SPTBN5: variants seen among roughly 807,000 people sequenced by gnomAD.
SPTBN5 encodes spectrin beta chain, non-erythrocytic 5.
In SPTBN5, 513 loss-of-function variants were observed where a neutral mutation model predicts 477.6. That is an observed-to-expected ratio of 1.07 (90% CI 1.00 to 1.16). The LOEUF is 1.16. Ranked by LOEUF, SPTBN5 falls within the 50% of genes most tolerant of loss-of-function variation. The probability of loss-of-function intolerance (pLI) is 0.00; values close to 1 mark genes in which losing one functional copy is unlikely to be tolerated. For missense variants in SPTBN5, 5,062 were observed against 4,731.8 expected, an observed-to-expected ratio of 1.07 and a Z score of -2.05; for synonymous variants, 2,169 against 2,011.7, an observed-to-expected ratio of 1.08 and a Z score of -2.09.
chr15:41,862,333 C>A, intron 43 of SPTBN5, 41 bp from the exon 44 acceptor site: 2 of 1,556,504 alleles, frequency 1.3e-6, no homozygotes, highest in Non-Finnish European at 1.7e-6. Flanking sequence ...GGCCTTCAAA[C>A]CCCTCTCCCC....
intron 12 of SPTBN5, among the ~76,000 whole-genome samples, 197 bp from the exon 13 acceptor site, chr15:41,881,431 G>T (rs1185845431): frequency 1.3e-5 from 2 of 152,234 alleles, no homozygotes; most frequent in African/African-American, 4.8e-5. Flanking sequence ...CACAGGATCT[G>T]ATGGCTTTGA....
intron 7 of SPTBN5, 113 bp from the exon 8 acceptor site, chr15:41,883,599 G>T (rs1201195306): frequency 1.5e-6 from 2 of 1,291,530 alleles, no homozygotes; most frequent in Admixed American, 4.3e-5. Context: ...GACCTCCATG[G>T]CTGGGGCAAG....
rs1316624243 is a variant in SPTBN5, at chr15:41,880,313, C to T, written c.2659-1G>A. Reference sequence around the variant, plus strand: ...CCTCCTCCAACCGGGCCCTGCGGAGCTGGGGAGAGGTGGCCCAAGGCTGGG... The same window carrying T: ...CCTCCTCCAACCGGGCCCTGCGGAGTTGGGGAGAGGTGGCCCAAGGCTGGG... On this transcript the variant is annotated splice_acceptor_variant, in intron 13 of 67. Coordinates refer to ENST00000320955, the MANE Select transcript of SPTBN5 (RefSeq NM_016642.4). LOFTEE classifies it high-confidence loss of function. The T allele has an allele frequency of 1.3e-6, 2 of 1,598,828 alleles. No individual in the cohort carries two copies. Among genetic ancestry groups the T allele is most frequent in the Non-Finnish European group, 1.7e-6 (2 of 1,173,820 alleles).
At position 41,856,850 on chromosome 15, in the gene SPTBN5, C is replaced by T. The variant is rs1018405092; in HGVS notation, c.8808+3G>A. On this transcript the variant is annotated splice_donor_region_variant and intron_variant, in intron 52 of 67. Transcript: ENST00000320955. Reference sequence around the variant, plus strand: ...GGCCAGCCCTCCCCGGGTGGGCCCACACCTGGTGCTGCTCCTGCAGGTGCC... The same window carrying T: ...GGCCAGCCCTCCCCGGGTGGGCCCATACCTGGTGCTGCTCCTGCAGGTGCC... 11 of 1,544,148 alleles carry T rather than the reference C, an allele frequency of 7.1e-6. No individual in the cohort carries two copies. Among genetic ancestry groups the T allele is most frequent in the Middle Eastern group, 3.4e-4 (2 of 5,904 alleles).
At position 41,875,541 on chromosome 15, in the gene SPTBN5, C is replaced by T. The variant is rs1431428611; in HGVS notation, c.4204G>A (p.Glu1402Lys). ...TRLQGLRSKWEALNRKMTERG... is the reference protein window; with the variant it reads ...TRLQGLRSKWKALNRKMTERG... ...TCAGTCATCTTGCGGTTCAAAGCTT[C>T]CCACTTGCTTCTCAGGCCTTGAAGC... The change falls in exon 22 of 68, where the codon GAA becomes AAA. Residue 1402 changes from glutamate to lysine, a missense_variant. Physicochemically the swap from Glu to Lys is moderately conservative, Grantham distance 56 (BLOSUM62 1). Transcript: ENST00000320955. The T allele has an allele frequency of 1.2e-6, 2 of 1,611,528 alleles. No homozygotes were observed. Among genetic ancestry groups the T allele is most frequent in the African/African-American group, 2.7e-5 (2 of 74,898 alleles).
chr15:41,858,624 T>C lies in SPTBN5; in HGVS notation c.8204A>G (p.His2735Arg). Reference sequence around the variant, plus strand: ...CACCCGCTGCAGCTCCTGCTGTTGGTGCATGCTCGCGTCCAGCTCCGCCTG... The same window carrying C: ...CACCCGCTGCAGCTCCTGCTGTTGGCGCATGCTCGCGTCCAGCTCCGCCTG... ...NFQAELDASM[H>R]QQQELQREGQ... The change falls in exon 49 of 68, where the codon CAC becomes CGC. Residue 2735 changes from histidine (H) to arginine (R), a missense_variant. His to Arg is a conservative substitution (Grantham distance 29, BLOSUM62 0). Coordinates refer to ENST00000320955, the MANE Select transcript of SPTBN5 (RefSeq NM_016642.4). The C allele has an allele frequency of 6.2e-7, 1 of 1,611,540 alleles. No individual in the cohort carries two copies.
rs749662581 is a variant in SPTBN5, at chr15:41,868,078, C to A, written c.6198G>T (p.Ala2066=). The change falls in exon 34 of 68, where the codon GCG becomes GCT. Residue 2066 remains alanine (A), a synonymous_variant. Transcript: ENST00000320955. ...GCGGGAGGGGACCTGCCTCCTGGGCCGCGAGGATCTCCTCCAGGCGGCCGC... is the reference window on the plus strand; with the variant it reads ...GCGGGAGGGGACCTGCCTCCTGGGCAGCGAGGATCTCCTCCAGGCGGCCGC... ...RECGRLEEIL[A]AQEVSLKTSA... 1 of 1,601,598 alleles carries A rather than the reference C, an allele frequency of 6.2e-7. No individual in the cohort carries two copies. The highest frequency in any genetic ancestry group is 1.7e-5 in the Admixed American group (1 of 58,858).
At chr15:41,886,773 C>A (rs182130817) in intron 6 of SPTBN5, among the ~76,000 whole-genome samples, 14 of 152,348 alleles carry the variant, frequency 9.2e-5, no homozygotes, top group Middle Eastern at 3.4e-3. Context: ...TTGAGAAGAG[C>A]ACTTCCAGGC....
Position 41,873,547 on chromosome 15 carries a change from C to A in SPTBN5, c.4952G>T (p.Ser1651Ile), listed in dbSNP as rs1477305968. ...WVEEKRPLVSSRDYGRDEAAT... is the reference protein window; with the variant it reads ...WVEEKRPLVSIRDYGRDEAAT... ...TGCCTCGTCTCTGCCATAGTCCCGA[C>A]TGCTCACCAGCGGCCGCTTCTCCTC... Residue 1651 changes from serine (S) to isoleucine (I), a missense_variant, in exon 26 of 68, where the codon AGT (serine) becomes ATT (isoleucine). Transcript: ENST00000320955. 1.3e-6 allele frequency: 2 copies of A among 1,552,122 alleles called. No individual in the cohort carries two copies. The highest frequency in any genetic ancestry group is 2.4e-5 in the South Asian group (2 of 84,084).
intron 3 of SPTBN5, among the ~76,000 whole-genome samples, chr15:41,890,552 T>C (rs2067277823): frequency 6.6e-6 from 1 of 152,220 alleles, no homozygotes. Flanking sequence ...TAACAGTCAA[T>C]GTGTGAGCCC....
chr15:41,880,111 G>C, intron 14 of SPTBN5, 49 bp downstream of exon 14: 1 of 1,535,360 alleles, frequency 6.5e-7, no homozygotes, highest in Non-Finnish European at 8.7e-7. Flanking sequence ...CAGACCACAG[G>C]GAGGCAGGGG....
At chr15:41,853,137 C>T in intron 59 of SPTBN5, 121 bp downstream of exon 59, 1 of 1,466,440 alleles carries the variant, frequency 6.8e-7, no homozygotes, top group Non-Finnish European at 9.1e-7. Context: ...CCCAGCCTCT[C>T]TCCCTGCCTG....
In SPTBN5 at chr15:41,855,353, C is replaced by T. The variant is rs1213289797; in HGVS notation, c.9294G>A (p.Gly3098=). 6.8e-6 allele frequency: 11 copies of T among 1,605,848 alleles called. No homozygotes were observed. The South Asian group carries it at 8.8e-5, about 13-fold the overall frequency. ...GCTGCAGCTGCTCCTGCAGGCCGTG[C>T]CCCCTGGCCTCCGCCCTCCGCAGCA... The part of the protein sequence containing the change: ...AELLRRAEAR[G]HGLQEQLQLH... Residue 3098 remains glycine (G), a synonymous_variant, in exon 55 of 68, where the codon GGG becomes GGA. Transcript: ENST00000320955.
At chr15:41,883,749 T>A (rs2067057724) in intron 7 of SPTBN5, among the ~76,000 whole-genome samples, 1 of 152,114 alleles carries the variant, frequency 6.6e-6, no homozygotes, top group Non-Finnish European at 1.5e-5. Flanking sequence ...AGTCCCCATT[T>A]CAGTTGATGA....
In SPTBN5 at chr15:41,862,654, C is replaced by A. The variant is rs1364200249; in HGVS notation, c.7270G>T (p.Glu2424Ter). The A allele has an allele frequency of 6.4e-7, 1 of 1,552,414 alleles. No homozygotes were observed. Among genetic ancestry groups the A allele is most frequent in the Non-Finnish European group, 8.7e-7 (1 of 1,152,290 alleles). ...HPIQAQVESL[E>*]REVGRLCQRS... The stretch of plus-strand genomic sequence containing the variant: ...TGGCAGAGGCGGCCCACTTCACGCT[C>A]TAGGGACTGCGGGGGAAGCCGGGGT... Residue 2424 changes from glutamate to a stop codon, truncating the protein, a stop_gained, in exon 43 of 68, where the codon GAG becomes TAG. Transcript: ENST00000320955. LOFTEE classifies it high-confidence loss of function.
At chr15:41,853,113 C>T (rs944146902) in intron 59 of SPTBN5, 113 bp from the exon 60 acceptor site, 23 of 1,427,390 alleles carry the variant, frequency 1.6e-5, no homozygotes, top group African/African-American at 4.3e-5. Flanking sequence ...CTGTGAGACC[C>T]GCACCTGCCC....
chr15:41,883,966 T>TTTTTAC (rs1234156548), intron 7 of SPTBN5, among the ~76,000 whole-genome samples: 191 of 151,432 alleles, frequency 1.3e-3, no homozygotes, highest in African/African-American at 4.6e-3. Flanking sequence ...AATTTTTGTA[T>TTTTTAC]TTTTATTTTT....
rs754741938 is a variant in SPTBN5 at position 41,863,949 on chromosome 15, C to T, written c.6994G>A (p.Val2332Ile). 10 of 1,613,950 alleles carry T rather than the reference C, an allele frequency of 6.2e-6. No individual in the cohort carries two copies. The highest frequency in any genetic ancestry group is 8.5e-6 in the Non-Finnish European group (10 of 1,179,896). The part of the protein sequence containing the change: ...LQLKNRDPEE[V>I]KIICQRRSQL... ...CTTCGCCGCTGGCAGATGATCTTGA[C>T]TTCCTCAGGGTCCCGGTTCTTGAGC... Residue 2332 changes from valine to isoleucine, a missense_variant, in exon 40 of 68, where the codon GTC becomes ATC. Coordinates refer to ENST00000320955, the MANE Select transcript of SPTBN5 (RefSeq NM_016642.4).
chr15:41,852,054 T>A, intron 62 of SPTBN5, 128 bp downstream of exon 62: 1 of 1,198,142 alleles, frequency 8.3e-7, no homozygotes, highest in Non-Finnish European at 1.2e-6. Flanking sequence ...CTAATGACCT[T>A]CAGCTCCTGT....
Sources: allele counts gnomAD v4.1 joint callset (sites outside exome capture counted in the v4.1 genomes callset), GRCh38; gene constraint gnomAD v4.1.1; transcripts MANE v1.5; gene names NCBI Gene and HGNC (gene_info 2026-07-23, HGNC 2026-07-21).